The following RBFOX1 variants were observed in gnomAD, a reference collection of about 807,000 sequenced individuals.
RBFOX1 encodes RNA binding protein fox-1 homolog 1.
RBFOX1 carries 8 observed loss-of-function variants against 57.7 expected under a neutral mutation model. That is an observed-to-expected ratio of 0.14 (90% CI 0.08 to 0.25). RBFOX1 has a LOEUF of 0.25. Among genes scored for constraint, RBFOX1 ranks in the 10% least tolerant of loss-of-function variants. RBFOX1 has a pLI of 1.00. For missense variants in RBFOX1, 611 were observed against 548.5 expected (o/e 1.11, Z -1.14); for synonymous variants, 326 against 222.4 (o/e 1.47, Z -4.15).
intron 3 of RBFOX1, among the ~76,000 whole-genome samples, chr16:6,908,670 C>A (rs1234210859): frequency 6.6e-6 from 1 of 152,080 alleles, no homozygotes; most frequent in African/African-American, 2.4e-5. Flanking sequence ...TCTAATTATC[C>A]ATGCAGGGTC....
At chr16:6,865,829 A>G (rs1192803495) in intron 3 of RBFOX1, among the ~76,000 whole-genome samples, 2 of 152,206 alleles carry the variant, frequency 1.3e-5, no homozygotes, top group African/African-American at 2.4e-5. Context: ...TTTCAGGTAC[A>G]ATTAACTTCT....
intron 1 of RBFOX1, among the ~76,000 whole-genome samples, chr16:5,425,077 CT>C: frequency 8.7e-6 from 1 of 115,236 alleles, no homozygotes; most frequent in Non-Finnish European, 1.8e-5. Context: ...ATCTATCTAT[CT>C]ATCTATCTAT....
At chr16:7,221,355 A>G (rs189374346) in intron 4 of RBFOX1, among the ~76,000 whole-genome samples, 1 of 149,512 alleles carries the variant, frequency 6.7e-6, no homozygotes, top group African/African-American at 2.5e-5. Flanking sequence ...TTATTTATTT[A>G]TTTATTTATT....
chr16:6,112,905 C>T (rs2096461723), intron 1 of RBFOX1, among the ~76,000 whole-genome samples: 2 of 152,174 alleles, frequency 1.3e-5, no homozygotes, highest in Admixed American at 1.3e-4. Flanking sequence ...GCTACATCAG[C>T]TTTTAAGTAT....
intron 2 of RBFOX1, among the ~76,000 whole-genome samples, chr16:6,566,009 G>A (rs371112828): frequency 5.8e-4 from 88 of 152,270 alleles, no homozygotes; most frequent in African/African-American, 1.9e-3. Flanking sequence ...TCTTCATGCA[G>A]GGTCACAGGT....
intron 2 of RBFOX1, among the ~76,000 whole-genome samples, chr16:6,410,540 T>G (rs1183690546): frequency 6.6e-6 from 1 of 151,988 alleles, no homozygotes; most frequent in Non-Finnish European, 1.5e-5. Context: ...CTGGATCTCC[T>G]GACCTCATGA....
intron 3 of RBFOX1, among the ~76,000 whole-genome samples, chr16:5,751,165 A>G (rs76496830): frequency 0.016 from 2,414 of 152,204 alleles, 80 homozygotes; most frequent in African/African-American, 0.055. Context: ...TTTCTGTTCA[A>G]TCCAGACAGT....
At chr16:5,377,343 G>A (rs1306732717) in intron 1 of RBFOX1, among the ~76,000 whole-genome samples, 3 of 151,426 alleles carry the variant, frequency 2.0e-5, no homozygotes, top group African/African-American at 7.4e-5. Flanking sequence ...AGTCAAGAAA[G>A]CCCCCTTGAG....
chr16:6,637,070 A>C (rs1425090757), intron 2 of RBFOX1, among the ~76,000 whole-genome samples: 1 of 84,532 alleles, frequency 1.2e-5, no homozygotes, highest in Non-Finnish European at 2.1e-5. Context: ...ATGTATAAAT[A>C]TGTTTAATAT....
At chr16:5,408,231 T>G (rs1003469519) in intron 1 of RBFOX1, among the ~76,000 whole-genome samples, 1 of 152,044 alleles carries the variant, frequency 6.6e-6, no homozygotes, top group Non-Finnish European at 1.5e-5. Flanking sequence ...AACCTCAGCT[T>G]AGAGAAAGTG....
rs182278448 is a variant in RBFOX1, at chr16:6,682,734, C to A, written c.-16+28084C>A. ...CCTGTTTGACGATCATGGTGTGAGACGATGTTATCATTACCAGTAGATTCA... is the reference window on the plus strand; with the variant it reads ...CCTGTTTGACGATCATGGTGTGAGAAGATGTTATCATTACCAGTAGATTCA... On this transcript the variant is annotated intron_variant, in intron 3 of 15. Coordinates refer to ENST00000550418, the MANE Select transcript of RBFOX1 (RefSeq NM_018723.4). 6.5e-4 allele frequency among the ~76,000 whole-genome samples: 99 copies of A among 151,790 alleles called. 1 individual carries two copies. Among genetic ancestry groups the A allele is most frequent in the African/African-American group, 2.2e-3 (91 of 41,374 alleles).
chr16:5,343,383 C>T (rs190726686), intron 1 of RBFOX1, among the ~76,000 whole-genome samples: 3 of 140,924 alleles, frequency 2.1e-5, no homozygotes, highest in African/African-American at 7.8e-5. Flanking sequence ...GGCGTGATCT[C>T]AGCTCACTGC....
intron 4 of RBFOX1, among the ~76,000 whole-genome samples, chr16:5,906,988 C>T (rs1446232297): frequency 2.6e-5 from 4 of 151,948 alleles, no homozygotes; most frequent in African/African-American, 4.8e-5. Context: ...CCACCTGCCT[C>T]GGCCTCCCAA....
chr16:5,391,234 C>A (rs1211231097), intron 1 of RBFOX1, among the ~76,000 whole-genome samples: 1 of 152,196 alleles, frequency 6.6e-6, no homozygotes, highest in African/African-American at 2.4e-5. Flanking sequence ...TAAAACAATT[C>A]ACATTTATTC....
At chr16:5,284,782 T>TA (rs2063353688) in intron 1 of RBFOX1, among the ~76,000 whole-genome samples, 1 of 124,094 alleles carries the variant, frequency 8.1e-6, no homozygotes, top group Non-Finnish European at 1.7e-5. Flanking sequence ...TTTTTTTTTT[T>TA]ACTTGTAGTA....
intron 3 of RBFOX1, among the ~76,000 whole-genome samples, chr16:5,761,647 C>T (rs1371928865): frequency 6.6e-6 from 1 of 152,124 alleles, no homozygotes; most frequent in Admixed American, 6.6e-5. Context: ...AGGGTAACTG[C>T]CCCCATGTTT....
chr16:6,898,317 G>C (rs565534970), intron 3 of RBFOX1, among the ~76,000 whole-genome samples: 1 of 152,120 alleles, frequency 6.6e-6, no homozygotes, highest in East Asian at 1.9e-4. Context: ...TCAGAGCATA[G>C]CTTCCCCTTG....
intron 4 of RBFOX1, among the ~76,000 whole-genome samples, chr16:7,308,477 G>A (rs2096243758): frequency 6.6e-6 from 1 of 152,062 alleles, no homozygotes; most frequent in African/African-American, 2.4e-5. Context: ...TACGTCAAAT[G>A]CTTAAAATCC....
At chr16:5,584,171 T>C (rs571431099) in intron 2 of RBFOX1, among the ~76,000 whole-genome samples, 83 of 152,320 alleles carry the variant, frequency 5.4e-4, no homozygotes, top group African/African-American at 1.8e-3. Context: ...CTAATTTTAG[T>C]GTTCTCCCTT....
Sources: allele counts gnomAD v4.1 joint callset (sites outside exome capture counted in the v4.1 genomes callset), GRCh38; gene constraint gnomAD v4.1.1; transcripts MANE v1.5; gene names NCBI Gene and HGNC (gene_info 2026-07-23, HGNC 2026-07-21).